The following COL9A3 variants were observed in gnomAD, a reference collection of about 807,000 sequenced individuals.
COL9A3 encodes the protein collagen alpha-3(IX) chain.
In COL9A3, 82 loss-of-function variants were observed where a neutral mutation model predicts 110.2. The ratio of observed to expected loss-of-function variants is 0.74; its 90% CI spans 0.62 to 0.89. The LOEUF (loss-of-function observed/expected upper bound fraction) is 0.89, where lower values mean the gene tolerates loss of function less well. Among genes scored for constraint, COL9A3 ranks in the 40% least tolerant of loss-of-function variants. The probability of loss-of-function intolerance (pLI) is 0.00; values close to 1 mark genes in which losing one functional copy is unlikely to be tolerated. For missense variants in COL9A3, 1,066 were observed against 981.3 expected (o/e 1.09, Z -1.15); for synonymous variants, 494 against 403.8 (o/e 1.22, Z -2.68).
rs954351373 is a variant in COL9A3 at position 62,840,075 on chromosome 20, C to T, written c.1865-467C>T. Among the ~76,000 whole-genome samples the T allele has an allele frequency of 2.8e-4, 43 of 152,240 alleles. 1 individual carries two copies. Among genetic ancestry groups the T allele is most frequent in the African/African-American group, 9.2e-4 (38 of 41,516 alleles). ...GCCCGCACCATGCCCACACCATGCC[C>T]GCACCATTCTGGACTTTGTCACCTC... On this transcript the variant is annotated intron_variant, in intron 31 of 31. Coordinates refer to ENST00000649368, the MANE Select transcript of COL9A3 (RefSeq NM_001853.4).
rs750455042 is a variant in COL9A3, at chr20:62,829,457, C to T, written c.1011C>T (p.Gly337=). 5 of 1,612,812 alleles carry T rather than the reference C, an allele frequency of 3.1e-6. No homozygotes were observed. The highest frequency in any genetic ancestry group is 4.2e-6 in the Non-Finnish European group (5 of 1,179,924). The change falls in exon 20 of 32, where the codon GGC becomes GGT. Residue 337 remains glycine (G), a splice_region_variant and synonymous_variant. Coordinates refer to ENST00000649368, the MANE Select transcript of COL9A3 (RefSeq NM_001853.4). ...PGEKGPNGLP[G]LPGRAGSKGE... ...GACCGCAAGCTCTCTCCTGGCAGGG[C>T]CTCCCTGGACGAGCGGGGTCCAAAG...
chr20:62,838,550 T>G, intron 30 of COL9A3, 134 bp from the exon 31 acceptor site: 1 of 844,754 alleles, frequency 1.2e-6, no homozygotes, highest in Non-Finnish European at 2.0e-6. Flanking sequence ...GCGTGTGACA[T>G]CTGTACTTTT....
intron 22 of COL9A3, 61 bp from the exon 23 acceptor site, chr20:62,830,299 G>T: frequency 1.3e-6 from 2 of 1,531,760 alleles, no homozygotes; most frequent in East Asian, 2.4e-5. Context: ...GGCTCCCTGG[G>T]GCCTCTTGGG....
At chr20:62,825,516 A>G in intron 12 of COL9A3, 1 of 529,040 alleles carries the variant, frequency 1.9e-6, no homozygotes, top group Non-Finnish European at 3.4e-6. Flanking sequence ...TGATCAGATG[A>G]GGAGACCCCA....
At chr20:62,827,164 C>G in intron 15 of COL9A3, 77 bp from the exon 16 acceptor site, 4 of 1,503,330 alleles carry the variant, frequency 2.7e-6, no homozygotes, top group Non-Finnish European at 3.7e-6. Context: ...CCGCCCGGGC[C>G]TGGAGGGGCC....
rs2734514 is a variant in COL9A3, at chr20:62,824,613, G to C, written c.576+112G>C. ...TCCAGAAAGCTGGACCCTGGTTCCA[G>C]GGTTGCCCCAGGAAGAAAGCTAGGC... On this transcript the variant is annotated intron_variant, in intron 11 of 31. Transcript: ENST00000649368. 0.15 allele frequency: 175,036 copies of C among 1,167,950 alleles called. 14,106 individuals carry two copies. The highest frequency in any genetic ancestry group is 0.16 in the Non-Finnish European group (129,052 of 805,568). The allele number at this position is 1,167,950 out of a possible 1,614,324, so 72.3% of individuals were successfully genotyped here.
chr20:62,824,987 G>A lies in COL9A3; in HGVS notation c.596G>A (p.Gly199Asp). 1.2e-6 allele frequency: 2 copies of A among 1,610,578 alleles called. No individual in the cohort carries two copies. The highest frequency in any genetic ancestry group is 1.7e-6 in the Non-Finnish European group (2 of 1,179,434). The change falls in exon 12 of 32, where the codon GGC becomes GAC. Residue 199 changes from glycine to aspartate, a missense_variant. By Grantham distance (94) the Gly-to-Asp change is moderately conservative (BLOSUM62 -1). Transcript: ENST00000649368. ...TTGCAGGGACCCACTGGCTACAAAG[G>A]CGAGCAGGGGGAAGTCGGCAAGGAC... is the stretch of plus-strand genomic sequence containing the variant. ...PGFKGPTGYK[G>D]EQGEVGKDGE...
chr20:62,817,842 G>A (rs1990985387), intron 2 of COL9A3: 3 of 678,458 alleles, frequency 4.4e-6, no homozygotes, highest in Non-Finnish European at 8.3e-6. Flanking sequence ...TCATGTGGTG[G>A]TCCTCCACCC....
intron 5 of COL9A3, 73 bp downstream of exon 5, chr20:62,820,055 G>A: frequency 2.0e-6 from 3 of 1,536,342 alleles, no homozygotes; most frequent in Non-Finnish European, 1.8e-6. Context: ...GCTGCTCTGT[G>A]TCCACAAGGC....
At chr20:62,828,629 AACCAGATAACT>A in intron 17 of COL9A3, 124 bp from the exon 18 acceptor site, 2 of 1,041,352 alleles carry the variant, frequency 1.9e-6, no homozygotes, top group Non-Finnish European at 2.9e-6. Context: ...TTGGTCATGA[AACCAGATAACT>A]GCCAGGGTGT....
In COL9A3 at chr20:62,821,395, C is replaced by G. The variant is rs971764389; in HGVS notation, c.346-112C>G. ...GCCCTCTCTGGGCTGGGACCAGACA[C>G]CCATCCCTGGAACCGCCCTTTCCCC... On this transcript the variant is annotated intron_variant, in intron 6 of 31. Transcript: ENST00000649368. The G allele has an allele frequency of 2.7e-6, 4 of 1,465,956 alleles. No homozygotes were observed. In the African/African-American group the frequency reaches 5.6e-5, roughly 20 times the overall value. The allele number at this position is 1,465,956 out of a possible 1,614,324, so 90.8% of individuals were successfully genotyped here. A position where few individuals can be genotyped will look rare whatever the true frequency, so the allele number is the denominator to read the frequency against.
intron 14 of COL9A3, 138 bp downstream of exon 14, chr20:62,826,395 G>A (rs1036754476): frequency 2.8e-5 from 23 of 835,966 alleles, no homozygotes; most frequent in Admixed American, 1.9e-4. Flanking sequence ...CCACTGTGGC[G>A]CAGGCCTTGC....
At position 62,836,962 on chromosome 20, in the gene COL9A3, A is replaced by G. The variant is rs955318952; in HGVS notation, c.1604-121A>G. On this transcript the variant is annotated intron_variant, in intron 29 of 31. Coordinates refer to ENST00000649368, the MANE Select transcript of COL9A3 (RefSeq NM_001853.4). ...CCCCAAAGCAGTTAAACCATTTTCCATCAATCAGAAGGAAAACTTGCTTCT... is the reference window on the plus strand; with the variant it reads ...CCCCAAAGCAGTTAAACCATTTTCCGTCAATCAGAAGGAAAACTTGCTTCT... 12 of 1,287,192 alleles carry G rather than the reference A, an allele frequency of 9.3e-6. No individual in the cohort carries two copies. The Admixed American group carries it at 1.7e-4, about 18-fold the overall frequency. 79.7% of individuals were successfully genotyped at this position (1,287,192 alleles called of 1,614,324 possible).
intron 4 of COL9A3, among the ~76,000 whole-genome samples, chr20:62,819,641 C>T (rs1763494537): frequency 1.3e-5 from 2 of 152,230 alleles, no homozygotes; most frequent in South Asian, 2.1e-4. Flanking sequence ...TCGGAGGAAG[C>T]CGGGCCTGAG....
rs112895957 is a variant in COL9A3, at chr20:62,827,905, C to A, written c.847-18C>A. 2.5e-5 allele frequency: 41 copies of A among 1,612,790 alleles called. No individual in the cohort carries two copies. The African/African-American group carries it at 2.7e-4, about 10-fold the overall frequency. ...GGGAAGAGACTGCCACTGCTTCTGT[C>A]ACTTGTGTGTCCTCTAGGGCAGACC... On this transcript the variant is annotated intron_variant, in intron 16 of 31. Transcript: ENST00000649368.
At position 62,836,096 on chromosome 20, in the gene COL9A3, G is replaced by A. The variant is rs909124294; in HGVS notation, c.1402-91G>A. 3.7e-6 allele frequency: 6 copies of A among 1,604,434 alleles called. No homozygotes were observed. The South Asian group carries it at 5.5e-5, about 15-fold the overall frequency. On this transcript the variant is annotated intron_variant, in intron 27 of 31. Transcript: ENST00000649368. ...GCTTGCTCTGGTCAAGGCTGGGCAA[G>A]ACGGCTCCGTGCCGGCTGGGAAAGA... is the stretch of plus-strand genomic sequence containing the variant.
chr20:62,819,841 A>C, intron 4 of COL9A3, 88 bp from the exon 5 acceptor site: 1 of 1,465,648 alleles, frequency 6.8e-7, no homozygotes, highest in African/African-American at 1.4e-5. Context: ...GGACTCACCA[A>C]GGGAAGGGTC....
chr20:62,824,558 G>T, intron 11 of COL9A3, 57 bp downstream of exon 11: 5 of 1,505,076 alleles, frequency 3.3e-6, no homozygotes, highest in Non-Finnish European at 4.5e-6. Flanking sequence ...GGAGGCAGCT[G>T]GGCTCCCATG....
chr20:62,820,443 C>G (rs955582794), intron 5 of COL9A3, among the ~76,000 whole-genome samples: 4 of 152,210 alleles, frequency 2.6e-5, no homozygotes, highest in Non-Finnish European at 5.9e-5. Flanking sequence ...AACCCGAAGC[C>G]AGCATTCTCT....
Sources: allele counts gnomAD v4.1 joint callset (sites outside exome capture counted in the v4.1 genomes callset), GRCh38; gene constraint gnomAD v4.1.1; transcripts MANE v1.5; gene names NCBI Gene and HGNC (gene_info 2026-07-23, HGNC 2026-07-21).